The following ZMYND11 variants were observed in gnomAD, a reference collection of about 807,000 sequenced individuals.
ZMYND11 encodes the protein zinc finger MYND-type containing 11, also known as zinc finger MYND domain-containing protein 11.
ZMYND11 carries 9 observed loss-of-function variants against 84.9 expected under a neutral mutation model. That is an observed-to-expected ratio of 0.11 (90% CI 0.06 to 0.18). The LOEUF (loss-of-function observed/expected upper bound fraction) is 0.18, where lower values mean the gene tolerates loss of function less well. Among genes scored for constraint, ZMYND11 ranks in the 10% least tolerant of loss-of-function variants. The pLI, the probability that ZMYND11 is intolerant of heterozygous loss-of-function variation, is 1.00. For missense variants in ZMYND11, 409 were observed against 761.0 expected (o/e 0.54, Z 5.44); for synonymous variants, 250 against 244.1 (o/e 1.02, Z -0.23).
At chr10:247,310 T>A in intron 11 of ZMYND11, 88 bp from the exon 12 acceptor site, 2 of 1,415,800 alleles carry the variant, frequency 1.4e-6, no homozygotes. Context: ...TGTATTCACT[T>A]CTCACCTGTG....
chr10:143,013 T>C (rs1000203416), intron 1 of ZMYND11, among the ~76,000 whole-genome samples: 9 of 152,196 alleles, frequency 5.9e-5, no homozygotes, highest in Non-Finnish European at 1.0e-4. Flanking sequence ...TTTGAAAATA[T>C]TTGGAATTAA....
At chr10:213,013 A>T (rs754170212) in intron 3 of ZMYND11, among the ~76,000 whole-genome samples, 2 of 152,118 alleles carry the variant, frequency 1.3e-5, no homozygotes, top group Non-Finnish European at 2.9e-5. Context: ...ATGCCCTGAT[A>T]ACACTCTAGG....
chr10:154,324 A>G (rs1300388647), intron 1 of ZMYND11, among the ~76,000 whole-genome samples: 1 of 152,244 alleles, frequency 6.6e-6, no homozygotes, highest in Non-Finnish European at 1.5e-5. Context: ...TGTAAGGCAC[A>G]TCACAGCCTT....
intron 12 of ZMYND11, 52 bp downstream of exon 12, chr10:247,518 T>C (rs191156884): frequency 2.9e-5 from 45 of 1,564,748 alleles, no homozygotes; most frequent in Middle Eastern, 3.3e-4. Flanking sequence ...AGGAAATATT[T>C]TCAAAGTATT....
At position 207,859 on chromosome 10, in the gene ZMYND11, A is replaced by G; in HGVS notation, c.117-2030A>G. On this transcript the variant is annotated intron_variant, in intron 2 of 14. Coordinates refer to ENST00000381604, the MANE Select transcript of ZMYND11 (RefSeq NM_001370100.5). ...GCCAAGTCAATCCTAAGCCAAAAGAATAAAGCCAGAGGCATCACGCTACCT... is the reference window on the plus strand; with the variant it reads ...GCCAAGTCAATCCTAAGCCAAAAGAGTAAAGCCAGAGGCATCACGCTACCT... Among the ~76,000 whole-genome samples the G allele has an allele frequency of 1.3e-5, 2 of 152,244 alleles. 1 individual carries two copies.
chr10:207,834 G>A (rs1317850192), intron 2 of ZMYND11, among the ~76,000 whole-genome samples: 4 of 152,120 alleles, frequency 2.6e-5, no homozygotes, highest in South Asian at 2.1e-4. Context: ...AGCCCACATC[G>A]CCAAGTCAAT....
chr10:170,550 G>T (rs184645683), intron 1 of ZMYND11, among the ~76,000 whole-genome samples: 1 of 151,890 alleles, frequency 6.6e-6, no homozygotes, highest in Admixed American at 6.6e-5. Context: ...CTAGAGGGAA[G>T]AATTCAGAAT....
chr10:216,758 CTG>C (rs1946253623), intron 3 of ZMYND11, among the ~76,000 whole-genome samples: 1 of 151,976 alleles, frequency 6.6e-6, no homozygotes, highest in African/African-American at 2.4e-5. Context: ...TTGGGTCATG[CTG>C]TCTTGTTATA....
chr10:164,962 G>C (rs1843662104), intron 1 of ZMYND11, among the ~76,000 whole-genome samples: 1 of 152,134 alleles, frequency 6.6e-6, no homozygotes, highest in Admixed American at 6.6e-5. Flanking sequence ...TCATGTGTAT[G>C]TAGCATTTTA....
chr10:177,795 T>C (rs1456503040), intron 1 of ZMYND11, among the ~76,000 whole-genome samples: 1 of 152,182 alleles, frequency 6.6e-6, no homozygotes, highest in East Asian at 1.9e-4. Flanking sequence ...GTGTTTGCTC[T>C]AGAAATTATA....
At chr10:163,962 A>G (rs1843456277) in intron 1 of ZMYND11, among the ~76,000 whole-genome samples, 1 of 152,056 alleles carries the variant, frequency 6.6e-6, no homozygotes, top group African/African-American at 2.4e-5. Flanking sequence ...CCAGAAAGGT[A>G]TTGTTTGGTT....
intron 1 of ZMYND11, among the ~76,000 whole-genome samples, chr10:170,982 T>G (rs1845181680): frequency 6.6e-6 from 1 of 152,042 alleles, no homozygotes; most frequent in South Asian, 2.1e-4. Context: ...AGATAAAGAA[T>G]ATAGCATGGT....
At chr10:245,400 G>A (rs1346745312) in intron 10 of ZMYND11, among the ~76,000 whole-genome samples, 1 of 152,158 alleles carries the variant, frequency 6.6e-6, no homozygotes, top group African/African-American at 2.4e-5. Context: ...TTCCCTAAGA[G>A]ATTCCTTCCA....
chr10:140,995 G>T (rs932066182), intron 1 of ZMYND11, among the ~76,000 whole-genome samples: 5 of 152,132 alleles, frequency 3.3e-5, no homozygotes, highest in African/African-American at 1.2e-4. Context: ...TGGACTCTTC[G>T]ATCTGTTTGT....
rs67915368 is a variant in ZMYND11, at chr10:139,704, C to CTTTTTTTT, written c.-20+4162_-20+4169dup. Among the ~76,000 whole-genome samples the CTTTTTTTT allele has an allele frequency of 1.2e-4, 10 of 80,256 alleles. 1 individual carries two copies. Among genetic ancestry groups the CTTTTTTTT allele is most frequent in the East Asian group, 4.1e-4 (1 of 2,438 alleles). 52.7% of individuals were successfully genotyped at this position (80,256 alleles called of 152,430 possible). On this transcript the variant is annotated intron_variant, in intron 1 of 14. Transcript: ENST00000381604. ...GTCCAACTTAAACTTACACATGGTCCTTTTTTTTTTTTTTTTTTTTTTTTG... is the reference window on the plus strand; with the variant it reads ...GTCCAACTTAAACTTACACATGGTCCTTTTTTTTTTTTTTTTTTTTTTTTTTTTTTTTG...
At chr10:206,947 C>T (rs1336352072) in intron 2 of ZMYND11, among the ~76,000 whole-genome samples, 2 of 152,042 alleles carry the variant, frequency 1.3e-5, no homozygotes, top group African/African-American at 4.8e-5. Context: ...ATTAACTCAT[C>T]ATTTAGCATT....
chr10:133,650 C>A (rs1274902412), upstream of ZMYND11, among the ~76,000 whole-genome samples: 1 of 152,196 alleles, frequency 6.6e-6, no homozygotes, highest in East Asian at 1.9e-4. Flanking sequence ...CTCTATTTTA[C>A]AGATGAAGTA....
At chr10:203,775 T>C (rs539185037) in intron 2 of ZMYND11, among the ~76,000 whole-genome samples, 1 of 152,310 alleles carries the variant, frequency 6.6e-6, no homozygotes, top group South Asian at 2.1e-4. Flanking sequence ...TCCCATCCCT[T>C]GTTCCCTGAG....
intron 4 of ZMYND11, among the ~76,000 whole-genome samples, chr10:234,492 T>C (rs1949576160): frequency 1.3e-5 from 2 of 152,244 alleles, no homozygotes; most frequent in Admixed American, 1.3e-4. Flanking sequence ...ATCTTTCCTT[T>C]GAATAATATG....
Sources: gnomAD v4.1 joint callset for allele counts (sites outside exome capture counted in the v4.1 genomes callset) on GRCh38, gnomAD v4.1.1 for gene constraint, MANE v1.5 for transcripts, NCBI Gene and HGNC (gene_info 2026-07-23, HGNC 2026-07-21) for gene names.